Variants in CLCA2 observed in about 807,000 individuals in gnomAD.
CLCA2 encodes calcium-activated chloride channel regulator 2.
Under a neutral mutation model 82.9 loss-of-function variants are expected in CLCA2, and 85 were observed. The ratio of observed to expected loss-of-function variants is 1.03; its 90% CI spans 0.86 to 1.23. The LOEUF (loss-of-function observed/expected upper bound fraction) is 1.23, where lower values mean the gene tolerates loss of function less well. Ranked by LOEUF, CLCA2 falls within the 50% of genes most tolerant of loss-of-function variation. The pLI, the probability that CLCA2 is intolerant of heterozygous loss-of-function variation, is 0.00. For missense variants in CLCA2, 1,089 were observed against 1,124.8 expected (o/e 0.97, Z 0.45); for synonymous variants, 421 against 391.7 (o/e 1.07, Z -0.88).
intron 6 of CLCA2, among the ~76,000 whole-genome samples, chr1:86,435,688 G>A (rs546615704): frequency 1.3e-5 from 2 of 152,262 alleles, no homozygotes; most frequent in African/African-American, 4.8e-5. Flanking sequence ...TTTTATGAGA[G>A]TCAACTTTTA....
Position 86,424,281 on chromosome 1 carries a change from A to G in CLCA2, c.34A>G (p.Asn12Asp), listed in dbSNP as rs139262512. 8.1e-5 allele frequency: 131 copies of G among 1,613,746 alleles called. No homozygotes were observed. In the African/African-American group the frequency reaches 1.6e-3, roughly 20 times the overall value. The stretch of plus-strand genomic sequence containing the variant: ...AAGGAGCATTGCAGGTCCTATTTGC[A>G]ACCTGAAGTTTGTGACTCTCCTGGT... ...TQRSIAGPIC[N>D]LKFVTLLVAL... The change falls in exon 1 of 14, where the codon AAC (asparagine) becomes GAC (aspartate). Residue 12 changes from asparagine (N) to aspartate (D), a missense_variant. Physicochemically the swap from Asn to Asp is conservative, Grantham distance 23. Transcript: ENST00000370565.
At chr1:86,444,371 G>C (rs970521553) in intron 10 of CLCA2, among the ~76,000 whole-genome samples, 1 of 152,264 alleles carries the variant, frequency 6.6e-6, no homozygotes, top group Admixed American at 6.5e-5. Context: ...TACATGCAAT[G>C]CATGTGGTTT....
rs144170051 is a variant in CLCA2, at chr1:86,436,432, A to G, written c.972+1687A>G. On this transcript the variant is annotated intron_variant, in intron 6 of 13. Transcript: ENST00000370565. Reference sequence around the variant, plus strand: ...AGAAAACTGTTATTAAACATTTACCAGTATACCACTGTCTACTTCATAGGG... The same window carrying G: ...AGAAAACTGTTATTAAACATTTACCGGTATACCACTGTCTACTTCATAGGG... 3.1e-3 allele frequency among the ~76,000 whole-genome samples: 470 copies of G among 152,338 alleles called. 4 individuals are homozygous for G. Among genetic ancestry groups the G allele is most frequent in the African/African-American group, 0.011 (454 of 41,578 alleles).
At position 86,450,522 on chromosome 1, in the gene CLCA2, T is replaced by C. The variant is rs764718131; in HGVS notation, c.1985-41T>C. ...AATGACTTAAATATTAGTAATCTAC[T>C]ATAATAACAAGTGTTGACACTGTGT... On this transcript the variant is annotated intron_variant, in intron 11 of 13. Coordinates refer to ENST00000370565, the MANE Select transcript of CLCA2 (RefSeq NM_006536.7). 5.4e-6 allele frequency: 8 copies of C among 1,483,922 alleles called. No homozygotes were observed. In the South Asian group the frequency reaches 1.1e-4, roughly 20 times the overall value. The allele number at this position is 1,483,922 out of a possible 1,614,324, so 91.9% of individuals were successfully genotyped here. A position where few individuals can be genotyped will look rare whatever the true frequency, so the allele number is the denominator to read the frequency against.
chr1:86,446,696 TC>T lies in CLCA2; in HGVS notation c.1714-811del, dbSNP rs1259744997. Among the ~76,000 whole-genome samples the T allele has an allele frequency of 7.9e-5, 12 of 152,238 alleles. No homozygotes were observed. In the South Asian group the frequency reaches 1.0e-3, roughly 13 times the overall value. ...ACGCTTCAACCCCTTGCTTTTCTGTTCTTCCTTCTGCTTTGTTGTGTTTCAC... is the reference window on the plus strand; with the variant it reads ...ACGCTTCAACCCCTTGCTTTTCTGTTTTCCTTCTGCTTTGTTGTGTTTCAC... On this transcript the variant is annotated intron_variant, in intron 10 of 13. Coordinates refer to ENST00000370565, the MANE Select transcript of CLCA2 (RefSeq NM_006536.7).
intron 12 of CLCA2, among the ~76,000 whole-genome samples, chr1:86,452,549 A>G (rs1200282431): frequency 1.3e-5 from 2 of 152,072 alleles, no homozygotes; most frequent in Non-Finnish European, 2.9e-5. Flanking sequence ...CTCATCTCAA[A>G]CGACTCTCCT....
intron 10 of CLCA2, 64 bp from the exon 11 acceptor site, chr1:86,447,444 A>G: frequency 2.0e-6 from 3 of 1,535,436 alleles, no homozygotes; most frequent in Middle Eastern, 1.7e-4. Flanking sequence ...GTTTTGATGT[A>G]TGCTTTAAAA....
chr1:86,434,109 G>C (rs923416832), intron 5 of CLCA2, among the ~76,000 whole-genome samples: 10 of 152,214 alleles, frequency 6.6e-5, no homozygotes, highest in Non-Finnish European at 1.5e-4. Context: ...ACAAATAAAG[G>C]TGCAGTGGTC....
In CLCA2 at chr1:86,453,607, G is replaced by A; in HGVS notation, c.2389+5G>A. 6.2e-7 allele frequency: 1 copy of A among 1,611,588 alleles called. No individual in the cohort carries two copies. Among genetic ancestry groups the A allele is most frequent in the Non-Finnish European group, 8.5e-7 (1 of 1,178,560 alleles). Reference sequence around the variant, plus strand: ...AAGACTTTGATCAGGGCCAGGGTAGGTTTGCTCATTTCATTACCTATTTTT... The same window carrying A: ...AAGACTTTGATCAGGGCCAGGGTAGATTTGCTCATTTCATTACCTATTTTT... On this transcript the variant is annotated splice_donor_5th_base_variant and intron_variant, in intron 13 of 13. Coordinates refer to ENST00000370565, the MANE Select transcript of CLCA2 (RefSeq NM_006536.7).
Position 86,443,895 on chromosome 1 carries a change from A to G in CLCA2, c.1597A>G (p.Ser533Gly). ...TATGTTTCTAGTTACGTGGCAGGCCAGTGGTCCTCCTGAGATTATATTATT... is the reference window on the plus strand; with the variant it reads ...TATGTTTCTAGTTACGTGGCAGGCCGGTGGTCCTCCTGAGATTATATTATT... ...DTMFLVTWQA[S>G]GPPEIILFDP... Residue 533 changes from serine (S) to glycine (G), a missense_variant, in exon 10 of 14, where the codon AGT becomes GGT. Transcript: ENST00000370565. The G allele has an allele frequency of 6.2e-7, 1 of 1,613,640 alleles. No homozygotes were observed. The highest frequency in any genetic ancestry group is 8.5e-7 in the Non-Finnish European group (1 of 1,179,542).
chr1:86,427,101 A>G (rs1662400711), intron 2 of CLCA2, among the ~76,000 whole-genome samples: 1 of 152,182 alleles, frequency 6.6e-6, no homozygotes, highest in African/African-American at 2.4e-5. Context: ...AGGACCAGCA[A>G]GGTAGTTCCT....
Position 86,425,351 on chromosome 1 carries a change from G to T in CLCA2, c.199G>T (p.Glu67Ter). The change falls in exon 2 of 14, where the codon GAA (glutamate) becomes TAA (stop). Residue 67 changes from glutamate (E) to a stop codon, truncating the protein, a stop_gained. Coordinates refer to ENST00000370565, the MANE Select transcript of CLCA2 (RefSeq NM_006536.7). LOFTEE classifies it high-confidence loss of function. ...TGTCTGGCTGTAGGAAATGATAACT[G>T]AAGCTTCATTTTACCTATTTAATGC... ...LISNIKEMIT[E>*]ASFYLFNATK... 1 of 1,555,852 alleles carries T rather than the reference G, an allele frequency of 6.4e-7. No homozygotes were observed. Among genetic ancestry groups the T allele is most frequent in the South Asian group, 1.3e-5 (1 of 79,778 alleles).
At position 86,455,888 on chromosome 1, in the gene CLCA2, A is replaced by C. The variant is rs558355272; in HGVS notation, c.*361A>C. On this transcript the variant is annotated 3_prime_UTR_variant, in exon 14 of 14. Coordinates refer to ENST00000370565, the MANE Select transcript of CLCA2 (RefSeq NM_006536.7). ...GCATTATAACTGTCTGTGTGAAGCA[A>C]TCATTTAGTTACTTTGATTAATTTT... 1 of 155,696 alleles carries C rather than the reference A, an allele frequency of 6.4e-6. No homozygotes were observed. Among genetic ancestry groups the C allele is most frequent in the African/African-American group, 2.4e-5 (1 of 41,702 alleles). 9.6% of individuals were successfully genotyped at this position (155,696 alleles called of 1,614,324 possible). A position where few individuals can be genotyped will look rare whatever the true frequency, so the allele number is the denominator to read the frequency against.
chr1:86,425,637 G>A lies in CLCA2; in HGVS notation c.324+161G>A, dbSNP rs368536348. Among the ~76,000 whole-genome samples the A allele has an allele frequency of 2.9e-4, 44 of 152,216 alleles. No homozygotes were observed. In the East Asian group the frequency reaches 4.2e-3, roughly 15 times the overall value. On this transcript the variant is annotated intron_variant, in intron 2 of 13. Coordinates refer to ENST00000370565, the MANE Select transcript of CLCA2 (RefSeq NM_006536.7). ...AGAATGTTATCAACAAAATATATGA[G>A]AATAAATGAATGCAAATTGTGCAGT...
At position 86,425,476 on chromosome 1, in the gene CLCA2, G is replaced by T; in HGVS notation, c.324G>T (p.Lys108Asn). The change falls in exon 2 of 14, where the codon AAG becomes AAT. Residue 108 changes from lysine to asparagine, a missense_variant and splice_region_variant. Coordinates refer to ENST00000370565, the MANE Select transcript of CLCA2 (RefSeq NM_006536.7). The stretch of plus-strand genomic sequence containing the variant: ...AAATAAAACAAGAATCATATGAAAA[G>T]GTAAGAATCCAGGATTTCATTCAAT... ...NSKIKQESYE[K>N]ANVIVTDWYG... 6.6e-7 allele frequency: 1 copy of T among 1,525,808 alleles called. No homozygotes were observed. The highest frequency in any genetic ancestry group is 8.8e-7 in the Non-Finnish European group (1 of 1,132,876). 94.5% of individuals were successfully genotyped at this position (1,525,808 alleles called of 1,614,324 possible). A position where few individuals can be genotyped will look rare whatever the true frequency, so the allele number is the denominator to read the frequency against.
At chr1:86,433,181 A>G (rs754784609) in intron 5 of CLCA2, among the ~76,000 whole-genome samples, 34 of 152,234 alleles carry the variant, frequency 2.2e-4, no homozygotes, top group Non-Finnish European at 3.5e-4. Flanking sequence ...CACCAGATGC[A>G]TAGTCAGAGA....
intron 8 of CLCA2, 134 bp downstream of exon 8, chr1:86,440,459 G>T: frequency 2.4e-6 from 2 of 825,844 alleles, no homozygotes; most frequent in South Asian, 2.1e-5. Flanking sequence ...CACACATATT[G>T]CTAGAATCTG....
At chr1:86,433,703 C>G (rs1448629366) in intron 5 of CLCA2, among the ~76,000 whole-genome samples, 2 of 152,206 alleles carry the variant, frequency 1.3e-5, no homozygotes, top group Non-Finnish European at 2.9e-5. Context: ...CCTGCACCTT[C>G]CTAAGAAACT....
At chr1:86,434,451 G>A (rs1662558829) in intron 5 of CLCA2, 67 bp from the exon 6 acceptor site, 1 of 1,326,818 alleles carries the variant, frequency 7.5e-7, no homozygotes, top group African/African-American at 1.4e-5. Context: ...ATAGTTCCTT[G>A]AGAATGAGAA....
Sources: gnomAD v4.1 joint callset for allele counts (sites outside exome capture counted in the v4.1 genomes callset) on GRCh38, gnomAD v4.1.1 for gene constraint, MANE v1.5 for transcripts, NCBI Gene and HGNC (gene_info 2026-07-23, HGNC 2026-07-21) for gene names.